The following TMEM106B variants were observed in gnomAD, a reference collection of about 807,000 sequenced individuals.
TMEM106B encodes transmembrane protein 106B.
In TMEM106B, 15 loss-of-function variants were observed where a neutral mutation model predicts 31.1. That is an observed-to-expected ratio of 0.48 (90% CI 0.32 to 0.74). TMEM106B has a LOEUF of 0.74. TMEM106B is among the 30% of genes least tolerant of loss of function. The pLI, the probability that TMEM106B is intolerant of heterozygous loss-of-function variation, is 0.03. For missense variants in TMEM106B, 283 were observed against 327.3 expected (o/e 0.86, Z 1.04); for synonymous variants, 126 against 112.5 (o/e 1.12, Z -0.76).
Position 12,224,295 on chromosome 7 carries a change from C to T in TMEM106B, c.351C>T (p.Phe117=), listed in dbSNP as rs762323656. The change falls in exon 4 of 8, where the codon TTC becomes TTT. Residue 117 remains phenylalanine, a synonymous_variant. Coordinates refer to ENST00000396668, the MANE Select transcript of TMEM106B (RefSeq NM_001134232.2). ...LLSGLAVFFL[F]PRSIDVKYIG... ...CTGGATTGGCTGTGTTTTTCCTTTT[C>T]CCTCGCTCTATCGACGTGAAATACA... is the stretch of plus-strand genomic sequence containing the variant. The T allele has an allele frequency of 1.2e-6, 2 of 1,613,966 alleles. No individual in the cohort carries two copies. Among genetic ancestry groups the T allele is most frequent in the Non-Finnish European group, 1.7e-6 (2 of 1,179,930 alleles).
intron 6 of TMEM106B, 164 bp downstream of exon 6, chr7:12,230,602 A>ATATATGT: frequency 3.9e-6 from 2 of 510,494 alleles, no homozygotes; most frequent in Non-Finnish European, 6.8e-6. Context: ...CAACATATAT[A>ATATATGT]ATATTCATGT....
In TMEM106B at chr7:12,234,715, C is replaced by T. The variant is rs559152244; in HGVS notation, c.*2740C>T. The T allele has an allele frequency of 3.3e-5, 5 of 151,994 alleles. No individual in the cohort carries two copies. The highest frequency in any genetic ancestry group is 4.4e-5 in the Non-Finnish European group (3 of 67,804). 9.4% of individuals were successfully genotyped at this position (151,994 alleles called of 1,614,324 possible). A position where few individuals can be genotyped will look rare whatever the true frequency, so the allele number is the denominator to read the frequency against. On this transcript the variant is annotated 3_prime_UTR_variant, in exon 8 of 8. Coordinates refer to ENST00000396668, the MANE Select transcript of TMEM106B (RefSeq NM_001134232.2). ...CTTCCTGGAATAACTTTAAGTTACACCCTAGTAGACTGGTCATTCTAATAA... is the reference window on the plus strand; with the variant it reads ...CTTCCTGGAATAACTTTAAGTTACATCCTAGTAGACTGGTCATTCTAATAA...
chr7:12,221,376 T>G (rs1781785033), intron 3 of TMEM106B, among the ~76,000 whole-genome samples: 1 of 152,168 alleles, frequency 6.6e-6, no homozygotes, highest in South Asian at 2.1e-4. Flanking sequence ...TGATGTAGTT[T>G]GGAAATTTTA....
chr7:12,237,205 A>T lies in TMEM106B; in HGVS notation c.*5230A>T, dbSNP rs541340801. On this transcript the variant is annotated 3_prime_UTR_variant, in exon 8 of 8. Coordinates refer to ENST00000396668, the MANE Select transcript of TMEM106B (RefSeq NM_001134232.2). ...ACTGTTACTCTTGTAGTTGTGTATG[A>T]CGCAATAAAATTTGTAAAAAAATTT... 3 of 152,086 alleles carry T rather than the reference A, an allele frequency of 2.0e-5. 1 individual carries two copies. In the South Asian group the frequency reaches 6.2e-4, roughly 31 times the overall value. 9.4% of individuals were successfully genotyped at this position (152,086 alleles called of 1,614,324 possible).
In TMEM106B at chr7:12,241,251, CTTTTT is replaced by C. The variant is rs1411459165; in HGVS notation, c.*9281_*9285del. On this transcript the variant is annotated 3_prime_UTR_variant, in exon 8 of 8. Coordinates refer to ENST00000396668, the MANE Select transcript of TMEM106B (RefSeq NM_001134232.2). ...TCCCAAATCTATTTCAGACACCTAA[CTTTTT>C]TTTTATTTTTTATACTTTAAGTTCT... 1 of 151,476 alleles carries C rather than the reference CTTTTT, an allele frequency of 6.6e-6. No individual in the cohort carries two copies. Among genetic ancestry groups the C allele is most frequent in the Non-Finnish European group, 1.5e-5 (1 of 67,800 alleles). 9.4% of individuals were successfully genotyped at this position (151,476 alleles called of 1,614,324 possible).
In TMEM106B at chr7:12,231,124, A is replaced by T. The variant is rs1056622249; in HGVS notation, c.686+9A>T. On this transcript the variant is annotated intron_variant, in intron 7 of 7. Coordinates refer to ENST00000396668, the MANE Select transcript of TMEM106B (RefSeq NM_001134232.2). Reference sequence around the variant, plus strand: ...ATAGTACTCATGATGCAGTAAGTACAAATCTTTTTTGAAAGAGATTTTGCT... The same window carrying T: ...ATAGTACTCATGATGCAGTAAGTACTAATCTTTTTTGAAAGAGATTTTGCT... 1.3e-6 allele frequency: 2 copies of T among 1,591,922 alleles called. No individual in the cohort carries two copies. The highest frequency in any genetic ancestry group is 1.7e-6 in the Non-Finnish European group (2 of 1,166,666).
chr7:12,225,259 G>A (rs894684921), intron 4 of TMEM106B, among the ~76,000 whole-genome samples: 1 of 152,152 alleles, frequency 6.6e-6, no homozygotes, highest in Non-Finnish European at 1.5e-5. Context: ...TCTTAATCCA[G>A]TCTATAATTG....
intron 5 of TMEM106B, among the ~76,000 whole-genome samples, 191 bp from the exon 6 acceptor site, chr7:12,230,198 A>G: frequency 6.6e-6 from 1 of 152,154 alleles, no homozygotes. Context: ...ACTGGGTGAC[A>G]CAGTGAGATC....
At chr7:12,231,383 C>T in intron 7 of TMEM106B, 1 of 342,096 alleles carries the variant, frequency 2.9e-6, no homozygotes, top group Non-Finnish European at 5.2e-6. Context: ...CTGAGCCCCA[C>T]ATCCAATTCC....
chr7:12,228,138 GTTTGAGAACATTT>G (rs1466762233), intron 4 of TMEM106B, among the ~76,000 whole-genome samples: 1 of 151,364 alleles, frequency 6.6e-6, no homozygotes, highest in Non-Finnish European at 1.5e-5. Context: ...TTTTTACTGT[GTTTGAGAACATTT>G]TTGAAATTTC....
Position 12,232,097 on chromosome 7 carries a change from G to C in TMEM106B, c.*122G>C. On this transcript the variant is annotated 3_prime_UTR_variant, in exon 8 of 8. Transcript: ENST00000396668. ...AAACCTAAAGTTTACACTTCTAAGA[G>C]TACAGTTAAAAGTATGTGGACCTGC... The C allele has an allele frequency of 1.1e-6, 1 of 901,224 alleles. No individual in the cohort carries two copies. 55.8% of individuals were successfully genotyped at this position (901,224 alleles called of 1,614,324 possible).
chr7:12,230,699 G>T (rs1309476965), intron 6 of TMEM106B: 1 of 327,208 alleles, frequency 3.1e-6, no homozygotes, highest in African/African-American at 2.2e-5. Context: ...CTATGTTACT[G>T]TGTTAAACTT....
intron 4 of TMEM106B, among the ~76,000 whole-genome samples, chr7:12,227,352 A>G (rs1475219569): frequency 1.3e-5 from 2 of 152,080 alleles, no homozygotes; most frequent in East Asian, 3.8e-4. Context: ...TTTGAGAACT[A>G]TAATGTATAA....
Position 12,231,134 on chromosome 7 carries a change from TG to T in TMEM106B, c.686+20del. 1 of 1,575,070 alleles carries T rather than the reference TG, an allele frequency of 6.3e-7. No homozygotes were observed. The highest frequency in any genetic ancestry group is 8.7e-7 in the Non-Finnish European group (1 of 1,152,666). On this transcript the variant is annotated intron_variant, in intron 7 of 7. Coordinates refer to ENST00000396668, the MANE Select transcript of TMEM106B (RefSeq NM_001134232.2). ...TGATGCAGTAAGTACAAATCTTTTT[TG>T]AAAGAGATTTTGCTTGTTAACATTT...
chr7:12,239,550 G>A lies in TMEM106B; in HGVS notation c.*7575G>A, dbSNP rs1024306038. The A allele has an allele frequency of 1.3e-5, 2 of 152,134 alleles. No individual in the cohort carries two copies. The highest frequency in any genetic ancestry group is 6.6e-5 in the Admixed American group (1 of 15,260). 9.4% of individuals were successfully genotyped at this position (152,134 alleles called of 1,614,324 possible). A position where few individuals can be genotyped will look rare whatever the true frequency, so the allele number is the denominator to read the frequency against. On this transcript the variant is annotated 3_prime_UTR_variant, in exon 8 of 8. Transcript: ENST00000396668. ...TTGACTTTCCAAGATTGTCCTTGGT[G>A]AGAAATGCTTGATTACTAGGTGTAA...
chr7:12,212,198 G>A lies in TMEM106B; in HGVS notation c.-3+773G>A, dbSNP rs933652573. On this transcript the variant is annotated intron_variant, in intron 1 of 7. Coordinates refer to ENST00000396668, the MANE Select transcript of TMEM106B (RefSeq NM_001134232.2). ...CAGGCTCAAACGGAGAGCCACTTGA[G>A]TCTGCCTTTCTGTGTCTTTTTTCTC... 2.0e-5 allele frequency among the ~76,000 whole-genome samples: 3 copies of A among 152,180 alleles called. No homozygotes were observed. The South Asian group carries it at 6.2e-4, about 31-fold the overall frequency.
In TMEM106B at chr7:12,239,356, C is replaced by T. The variant is rs1782200529; in HGVS notation, c.*7381C>T. 6.6e-6 allele frequency: 1 copy of T among 152,110 alleles called. No individual in the cohort carries two copies. Among genetic ancestry groups the T allele is most frequent in the African/African-American group, 2.4e-5 (1 of 41,404 alleles). 9.4% of individuals were successfully genotyped at this position (152,110 alleles called of 1,614,324 possible). The stretch of plus-strand genomic sequence containing the variant: ...TGTGGCTGGTTTGATCTATTGAAAC[C>T]ACTAAAACATTCCCATATCGGCAAT... On this transcript the variant is annotated 3_prime_UTR_variant, in exon 8 of 8. Coordinates refer to ENST00000396668, the MANE Select transcript of TMEM106B (RefSeq NM_001134232.2).
chr7:12,213,300 A>G (rs2128523753), intron 1 of TMEM106B, among the ~76,000 whole-genome samples: 1 of 152,264 alleles, frequency 6.6e-6, no homozygotes, highest in East Asian at 1.9e-4. Context: ...AATGAAAAAA[A>G]AACTGTGATT....
In TMEM106B at chr7:12,229,878, A is replaced by G. The variant is rs544928898; in HGVS notation, c.582+59A>G. The stretch of plus-strand genomic sequence containing the variant: ...TAAATGAATGTCAGCTTTGTATATC[A>G]TATAACTTGAAGGAGGTGGGGGATT... On this transcript the variant is annotated intron_variant, in intron 5 of 7. Coordinates refer to ENST00000396668, the MANE Select transcript of TMEM106B (RefSeq NM_001134232.2). The G allele has an allele frequency of 1.6e-5, 24 of 1,516,030 alleles. 2 individuals carry two copies. In the South Asian group the frequency reaches 3.0e-4, roughly 19 times the overall value. 93.9% of individuals were successfully genotyped at this position (1,516,030 alleles called of 1,614,324 possible). A position where few individuals can be genotyped will look rare whatever the true frequency, so the allele number is the denominator to read the frequency against.
Sources: gnomAD v4.1 joint callset for allele counts (sites outside exome capture counted in the v4.1 genomes callset) on GRCh38, gnomAD v4.1.1 for gene constraint, MANE v1.5 for transcripts, NCBI Gene and HGNC (gene_info 2026-07-23, HGNC 2026-07-21) for gene names.